GSK3B: variants seen among roughly 807,000 people sequenced by gnomAD.
GSK3B encodes the protein glycogen synthase kinase-3 beta.
Under a neutral mutation model 56.4 loss-of-function variants are expected in GSK3B, and 15 were observed. The observed-to-expected ratio is 0.27, with a 90% confidence interval of 0.18 to 0.41. The LOEUF (loss-of-function observed/expected upper bound fraction) is 0.41. Ranked by LOEUF, GSK3B falls within the 10% of genes least tolerant of loss-of-function variation. The pLI is 1.00. For synonymous variants in GSK3B, 181 were observed against 188.9 expected, an observed-to-expected ratio of 0.96 and a Z score of 0.34; for missense variants, 300 against 513.4, an observed-to-expected ratio of 0.58 and a Z score of 4.02.
intron 1 of GSK3B, among the ~76,000 whole-genome samples, chr3:120,065,133 T>C (rs1307677087): frequency 6.6e-6 from 1 of 152,052 alleles, no homozygotes; most frequent in Non-Finnish European, 1.5e-5. Context: ...TTCAACTTCA[T>C]CTAAATTTAA....
chr3:119,947,144 G>C (rs1435945010), intron 3 of GSK3B, 124 bp downstream of exon 3: 1 of 653,598 alleles, frequency 1.5e-6, no homozygotes, highest in African/African-American at 1.8e-5. Flanking sequence ...AGTATTGCTG[G>C]GGCAAGTGTT....
rs2055429927 is a variant in GSK3B, at chr3:119,822,617, T to G, written c.*4171A>C. The G allele has an allele frequency of 4.4e-6, 1 of 228,778 alleles. No homozygotes were observed. The highest frequency in any genetic ancestry group is 5.7e-5 in the Admixed American group (1 of 17,630). 14.2% of individuals were successfully genotyped at this position (228,778 alleles called of 1,614,324 possible). A position where few individuals can be genotyped will look rare whatever the true frequency, so the allele number is the denominator to read the frequency against. The stretch of plus-strand genomic sequence containing the variant: ...GATTACTTTCAAAGCCTCTCAAAGG[T>G]AGATCTCAGTCTGGGACTCTACTGT... On this transcript the variant is annotated 3_prime_UTR_variant, in exon 11 of 11. Coordinates refer to ENST00000264235, the MANE Select transcript of GSK3B (RefSeq NM_001146156.2).
chr3:120,008,944 G>A (rs1184003751), intron 1 of GSK3B, among the ~76,000 whole-genome samples: 2 of 151,962 alleles, frequency 1.3e-5, no homozygotes, highest in African/African-American at 2.4e-5. Context: ...TCTGACAAAG[G>A]GCTAATATAA....
intron 7 of GSK3B, among the ~76,000 whole-genome samples, chr3:119,903,293 C>T (rs1258467972): frequency 6.6e-6 from 1 of 152,128 alleles, no homozygotes; most frequent in East Asian, 1.9e-4. Context: ...CTTGGAAATA[C>T]TTACAGTTCT....
intron 1 of GSK3B, among the ~76,000 whole-genome samples, chr3:120,070,832 G>A (rs145995283): frequency 5.9e-5 from 9 of 152,270 alleles, no homozygotes; most frequent in South Asian, 2.1e-4. Context: ...CAGTGCCAAC[G>A]TAGTTCAAAA....
intron 1 of GSK3B, among the ~76,000 whole-genome samples, chr3:120,051,442 G>C (rs925139950): frequency 6.6e-6 from 1 of 152,064 alleles, no homozygotes; most frequent in Admixed American, 6.6e-5. Flanking sequence ...ATGAATAAAG[G>C]TTTTTTAAAA....
Position 119,971,712 on chromosome 3 carries a change from C to T in GSK3B, c.283-24361G>A, listed in dbSNP as rs550992338. On this transcript the variant is annotated intron_variant, in intron 2 of 10. Coordinates refer to ENST00000264235, the MANE Select transcript of GSK3B (RefSeq NM_001146156.2). ...CTGCAAGCTCCGCCTCCCGGGTTCA[C>T]GCCATTCTCCTGCCTCAGCCTCCCA... 1.8e-3 allele frequency among the ~76,000 whole-genome samples: 254 copies of T among 137,314 alleles called. 2 individuals are homozygous for T. Among genetic ancestry groups the T allele is most frequent in the Non-Finnish European group, 2.8e-3 (181 of 65,292 alleles). The allele number at this position is 137,314 out of a possible 152,430, so 90.1% of individuals were successfully genotyped here.
intron 3 of GSK3B, among the ~76,000 whole-genome samples, chr3:119,933,388 C>G (rs2056965588): frequency 6.6e-6 from 1 of 152,112 alleles, no homozygotes. Context: ...AGAGCCCCCC[C>G]AAATAGACTC....
rs2055450082 is a variant in GSK3B at position 119,823,642 on chromosome 3, G to A, written c.*3146C>T. ...TCCTCCAGCTCTAGGGCTCCCTGGT[G>A]CTACACTAAGTCCCTGAATGGACTA... On this transcript the variant is annotated 3_prime_UTR_variant, in exon 11 of 11. Transcript: ENST00000264235. 1 of 182,920 alleles carries A rather than the reference G, an allele frequency of 5.5e-6. No homozygotes were observed. The highest frequency in any genetic ancestry group is 2.4e-5 in the African/African-American group (1 of 42,472). 11.3% of individuals were successfully genotyped at this position (182,920 alleles called of 1,614,324 possible).
chr3:119,992,034 T>C (rs1353821708), intron 2 of GSK3B, among the ~76,000 whole-genome samples: 2 of 152,048 alleles, frequency 1.3e-5, no homozygotes, highest in Admixed American at 6.6e-5. Flanking sequence ...CTCACAAATA[T>C]ATCAGTTCTT....
At chr3:120,019,894 A>G (rs1317742343) in intron 1 of GSK3B, among the ~76,000 whole-genome samples, 2 of 152,230 alleles carry the variant, frequency 1.3e-5, no homozygotes, top group African/African-American at 4.8e-5. Flanking sequence ...ATATGTAGAT[A>G]TTTGAGCTAA....
At chr3:120,029,326 C>A in intron 1 of GSK3B, 1 of 744,292 alleles carries the variant, frequency 1.3e-6, no homozygotes, top group South Asian at 1.4e-5. Flanking sequence ...AGATATTTCG[C>A]ATCTAATCCA....
At chr3:120,083,389 G>A (rs1272286079) in intron 1 of GSK3B, among the ~76,000 whole-genome samples, 1 of 152,024 alleles carries the variant, frequency 6.6e-6, no homozygotes, top group Non-Finnish European at 1.5e-5. Flanking sequence ...AGGGCTCCAG[G>A]AAAAAGGACA....
chr3:120,079,927 A>T (rs2058403912), intron 1 of GSK3B, among the ~76,000 whole-genome samples: 1 of 152,210 alleles, frequency 6.6e-6, no homozygotes, highest in Non-Finnish European at 1.5e-5. Context: ...AGAAGGAAAT[A>T]CCATGCTGAT....
intron 2 of GSK3B, among the ~76,000 whole-genome samples, chr3:119,982,053 G>A (rs367564617): frequency 1.3e-5 from 2 of 152,216 alleles, no homozygotes; most frequent in Non-Finnish European, 2.9e-5. Flanking sequence ...TGCAGCCTCT[G>A]CTGGTGATAC....
chr3:119,937,795 C>CAGAAAAA (rs2057010740), intron 3 of GSK3B, among the ~76,000 whole-genome samples: 1 of 150,876 alleles, frequency 6.6e-6, no homozygotes, highest in African/African-American at 2.4e-5. Flanking sequence ...AAACAGAGAA[C>CAGAAAAA]AGAAAAAAAA....
At chr3:119,898,312 G>A (rs2056590682) in intron 7 of GSK3B, among the ~76,000 whole-genome samples, 1 of 152,156 alleles carries the variant, frequency 6.6e-6, no homozygotes, top group African/African-American at 2.4e-5. Flanking sequence ...AAATCATTAA[G>A]CCATCCTAAG....
chr3:119,842,297 C>T (rs145615900), intron 10 of GSK3B, among the ~76,000 whole-genome samples: 3 of 152,274 alleles, frequency 2.0e-5, no homozygotes, highest in African/African-American at 7.2e-5. Context: ...GCAGCACACC[C>T]TAGCTCTAAC....
chr3:119,985,123 T>G (rs1323264912), intron 2 of GSK3B, among the ~76,000 whole-genome samples: 1 of 152,124 alleles, frequency 6.6e-6, no homozygotes, highest in Non-Finnish European at 1.5e-5. Context: ...AGAAAAGGCC[T>G]TCGACAAAAT....
Sources: gnomAD v4.1 joint callset for allele counts (sites outside exome capture counted in the v4.1 genomes callset) on GRCh38, gnomAD v4.1.1 for gene constraint, MANE v1.5 for transcripts, NCBI Gene and HGNC (gene_info 2026-07-23, HGNC 2026-07-21) for gene names.